The following SELENOP variants were observed in gnomAD, a reference collection of about 807,000 sequenced individuals.
The protein encoded by SELENOP is selenoprotein P.
A neutral mutation model predicts 41.0 loss-of-function variants in SELENOP; 36 were observed. The observed-to-expected ratio is 0.88, with a 90% confidence interval of 0.67 to 1.16. SELENOP has a LOEUF of 1.16. SELENOP is among the 50% of genes most tolerant of loss of function. SELENOP has a pLI of 0.00. For synonymous variants in SELENOP, 144 were observed against 150.8 expected (o/e 0.95, Z 0.33); for missense variants, 440 against 454.2 (o/e 0.97, Z 0.28).
At position 42,807,077 on chromosome 5, in the gene SELENOP, C is replaced by T. The variant is rs1335953578; in HGVS notation, c.235G>A (p.Glu79Lys). The T allele has an allele frequency of 1.3e-6, 2 of 1,530,334 alleles. No homozygotes were observed. The highest frequency in any genetic ancestry group is 1.7e-5 in the Admixed American group (1 of 58,914). 94.8% of individuals were successfully genotyped at this position (1,530,334 alleles called of 1,614,324 possible). Residue 79 changes from glutamate (E) to lysine (K), a missense_variant, in exon 3 of 5, where the codon GAA becomes AAA. Glu to Lys is a moderately conservative substitution (Grantham distance 56). Coordinates refer to ENST00000514985, the MANE Select transcript of SELENOP (RefSeq NM_005410.4). ...ATATAAGAAATATTAGAATATCCTT[C>T]TTTCTTCAGTTTTACTCGCAGGTCT... is the stretch of plus-strand genomic sequence containing the variant. ...LEDLRVKLKK[E>K]GYSNISYIVV... is the part of the protein sequence containing the mutation.
chr5:42,802,386 TGTTTTGAAG>T (rs1268566608), intron 4 of SELENOP: 1 of 152,230 alleles, frequency 6.6e-6, no homozygotes, highest in East Asian at 1.9e-4. Flanking sequence ...ATGCTTTTGA[TGTTTTGAAG>T]GTTTTAAAAG....
intron 1 of SELENOP, among the ~76,000 whole-genome samples, chr5:42,809,995 TAAC>T (rs1760425521): frequency 6.6e-6 from 1 of 152,230 alleles, no homozygotes; most frequent in African/African-American, 2.4e-5. Context: ...AATGTTTATT[TAAC>T]TTTTATACAA....
chr5:42,800,681 G>A lies in SELENOP; in HGVS notation c.*39C>T, dbSNP rs1393234589. Reference sequence around the variant, plus strand: ...ATAAAAATGCTGGAAATGAAATTGTGTCTAGACTAAATTGGGGAGTATGTC... The same window carrying A: ...ATAAAAATGCTGGAAATGAAATTGTATCTAGACTAAATTGGGGAGTATGTC... On this transcript the variant is annotated 3_prime_UTR_variant, in exon 5 of 5. Transcript: ENST00000514985. 4.6e-6 allele frequency: 7 copies of A among 1,534,724 alleles called. No homozygotes were observed. Among genetic ancestry groups the A allele is most frequent in the Non-Finnish European group, 6.1e-6 (7 of 1,141,478 alleles).
At chr5:42,801,472 G>T in intron 4 of SELENOP, 141 bp from the exon 5 acceptor site, 1 of 625,036 alleles carries the variant, frequency 1.6e-6, no homozygotes, top group Non-Finnish European at 2.7e-6. Context: ...TAATGAGAAA[G>T]AGTCTGATGT....
chr5:42,803,950 C>T (rs957354021), intron 4 of SELENOP, among the ~76,000 whole-genome samples: 1 of 152,192 alleles, frequency 6.6e-6, no homozygotes, highest in Non-Finnish European at 1.5e-5. Flanking sequence ...CAGTTCCATT[C>T]CAAGTAATGC....
At chr5:42,802,465 T>A (rs1760229121) in intron 4 of SELENOP, 1 of 152,240 alleles carries the variant, frequency 6.6e-6, no homozygotes, top group Non-Finnish European at 1.5e-5. Flanking sequence ...TTTGGTTATT[T>A]CTGAATTACT....
In SELENOP at chr5:42,806,902, T is replaced by A; in HGVS notation, c.410A>T (p.Tyr137Phe). ...TTTGTGTGTATGTACAAACCTATCA[T>A]ATATGAGGAAGTCATCTTTGCTTCC... is the stretch of plus-strand genomic sequence containing the variant. ...LNGSKDDFLI[Y>F]DRCGRLVYHL... The change falls in exon 3 of 5, where the codon TAT becomes TTT. Residue 137 changes from tyrosine (Y) to phenylalanine (F), a missense_variant. Coordinates refer to ENST00000514985, the MANE Select transcript of SELENOP (RefSeq NM_005410.4). The A allele has an allele frequency of 1.3e-6, 2 of 1,598,186 alleles. No homozygotes were observed. The highest frequency in any genetic ancestry group is 1.7e-6 in the Non-Finnish European group (2 of 1,167,282).
In SELENOP at chr5:42,801,010, G is replaced by C; in HGVS notation, c.856C>G (p.Leu286Val). The change falls in exon 5 of 5, where the codon CTC (leucine) becomes GTC (valine). Residue 286 changes from leucine (L) to valine (V), a missense_variant. By Grantham distance (32) the Leu-to-Val change is conservative. Coordinates refer to ENST00000514985, the MANE Select transcript of SELENOP (RefSeq NM_005410.4). ...TCTGAATCTGTGGGCAATTTACAGA[G>C]TAATTGATTTATACATCTCTTTCGA... is the stretch of plus-strand genomic sequence containing the variant. ...LCRKRCINQL[L>V]CKLPTDSELA... is the part of the protein sequence containing the mutation. 1 of 1,614,150 alleles carries C rather than the reference G, an allele frequency of 6.2e-7. No homozygotes were observed. The highest frequency in any genetic ancestry group is 1.1e-5 in the South Asian group (1 of 91,074).
intron 1 of SELENOP, 111 bp from the exon 2 acceptor site, chr5:42,808,477 A>C: frequency 2.5e-6 from 1 of 402,204 alleles, no homozygotes. Flanking sequence ...TACCTAGCCC[A>C]TGAATTCTGT....
intron 4 of SELENOP, among the ~76,000 whole-genome samples, chr5:42,803,714 AT>A (rs1485274312): frequency 1.3e-5 from 2 of 152,220 alleles, no homozygotes; most frequent in Non-Finnish European, 2.9e-5. Context: ...GTTAATACAA[AT>A]TAAATTCTTT....
At chr5:42,802,091 T>G (rs1275949339) in intron 4 of SELENOP, 4 of 152,198 alleles carry the variant, frequency 2.6e-5, no homozygotes, top group Admixed American at 6.5e-5. Context: ...CTTCATCCTA[T>G]GCCAGGAAAT....
intron 1 of SELENOP, among the ~76,000 whole-genome samples, chr5:42,810,394 C>A (rs1056026796): frequency 6.6e-6 from 1 of 152,124 alleles, no homozygotes; most frequent in African/African-American, 2.4e-5. Flanking sequence ...GTTACAGAAC[C>A]TTGGCAAAAA....
At chr5:42,805,461 G>A (rs996655731) in intron 3 of SELENOP, 1 of 152,036 alleles carries the variant, frequency 6.6e-6, no homozygotes, top group Non-Finnish European at 1.5e-5. Flanking sequence ...GACCAAGTAG[G>A]GCTCACCAGA....
chr5:42,807,392 A>G (rs1442476722), intron 2 of SELENOP: 1 of 192,686 alleles, frequency 5.2e-6, no homozygotes, highest in Non-Finnish European at 1.1e-5. Context: ...TTATAGGTAG[A>G]ATGGATTCAA....
At chr5:42,803,696 C>G (rs551756684) in intron 4 of SELENOP, among the ~76,000 whole-genome samples, 1 of 152,186 alleles carries the variant, frequency 6.6e-6, no homozygotes, top group African/African-American at 2.4e-5. Context: ...TGAAGGAAAA[C>G]AAGTCTAGTT....
At chr5:42,808,754 CA>C (rs771818679) in intron 1 of SELENOP, among the ~76,000 whole-genome samples, 9,378 of 115,048 alleles carry the variant, frequency 0.082, 298 homozygotes, top group Middle Eastern at 0.15. Context: ...TAAAATTATA[CA>C]AAAAAAAAAA....
In SELENOP at chr5:42,800,906, A is replaced by G. The variant is rs1025154051; in HGVS notation, c.960T>C (p.Cys320=). Residue 320 remains cysteine (C), a synonymous_variant, in exon 5 of 5, where the codon TGT becomes TGC. Coordinates refer to ENST00000514985, the MANE Select transcript of SELENOP (RefSeq NM_005410.4). ...EKTGSAITUQ[C]KENLPSLCSU... ...TACATAAAGATGGGAGGTTTTCTTT[A>G]CACTGTCAGGTGATTGCAGACCCTG... The G allele has an allele frequency of 2.5e-6, 4 of 1,614,094 alleles. No homozygotes were observed. Among genetic ancestry groups the G allele is most frequent in the African/African-American group, 2.7e-5 (2 of 74,912 alleles).
chr5:42,809,968 T>G (rs1266011237), intron 1 of SELENOP, among the ~76,000 whole-genome samples: 1 of 152,206 alleles, frequency 6.6e-6, no homozygotes, highest in Non-Finnish European at 1.5e-5. Flanking sequence ...GATAATACAA[T>G]TATCCTTATT....
chr5:42,809,259 A>G (rs754505573), intron 1 of SELENOP, among the ~76,000 whole-genome samples: 4 of 152,226 alleles, frequency 2.6e-5, no homozygotes, highest in African/African-American at 4.8e-5. Context: ...TCCTATGACT[A>G]GAAAATTCCT....
Sources: allele counts gnomAD v4.1 joint callset (sites outside exome capture counted in the v4.1 genomes callset), GRCh38; gene constraint gnomAD v4.1.1; transcripts MANE v1.5; gene names NCBI Gene and HGNC (gene_info 2026-07-23, HGNC 2026-07-21).